The following KCNAB1 variants were observed in gnomAD, a reference collection of about 807,000 sequenced individuals.
The protein encoded by KCNAB1 is voltage-gated potassium channel subunit beta-1.
KCNAB1 carries 35 observed loss-of-function variants against 64.6 expected under a neutral mutation model. The ratio of observed to expected loss-of-function variants is 0.54; its 90% CI spans 0.41 to 0.72. The LOEUF is 0.72. KCNAB1 is among the 30% of genes least tolerant of loss of function. The probability of loss-of-function intolerance (pLI) is 0.00; values close to 1 mark genes in which losing one functional copy is unlikely to be tolerated. For missense variants in KCNAB1, 401 were observed against 512.9 expected (o/e 0.78, Z 2.11); for synonymous variants, 177 against 183.8 (o/e 0.96, Z 0.30).
chr3:156,160,968 C>T (rs980496944), intron 1 of KCNAB1, among the ~76,000 whole-genome samples: 3 of 152,232 alleles, frequency 2.0e-5, no homozygotes, highest in African/African-American at 7.2e-5. Context: ...CTTTAAAATG[C>T]TTCTACAGAA....
rs879405480 is a variant in KCNAB1 at position 156,374,445 on chromosome 3, C to T, written c.276-47171C>T. ...TAGAGCACTTTATTTGCTTGGGAAG[C>T]TTGATTTGTTCATGGGAGTTTGCAC... is the stretch of plus-strand genomic sequence containing the variant. On this transcript the variant is annotated intron_variant, in intron 1 of 13. Coordinates refer to ENST00000490337, the MANE Select transcript of KCNAB1 (RefSeq NM_172160.3). Among the ~76,000 whole-genome samples, 17 of 86,156 alleles carry T rather than the reference C, an allele frequency of 2.0e-4. 1 individual carries two copies. The highest frequency in any genetic ancestry group is 1.6e-3 in the Admixed American group (17 of 10,652). The allele number at this position is 86,156 out of a possible 152,430, so 56.5% of individuals were successfully genotyped here. A position where few individuals can be genotyped will look rare whatever the true frequency, so the allele number is the denominator to read the frequency against.
intron 1 of KCNAB1, among the ~76,000 whole-genome samples, chr3:156,334,831 C>T (rs533279253): frequency 6.6e-6 from 1 of 152,286 alleles, no homozygotes; most frequent in South Asian, 2.1e-4. Context: ...CGTCAGAACT[C>T]ACTGTGGAAT....
At chr3:156,170,572 C>G (rs1340552639) in intron 1 of KCNAB1, among the ~76,000 whole-genome samples, 1 of 152,152 alleles carries the variant, frequency 6.6e-6, no homozygotes, top group East Asian at 1.9e-4. Context: ...TTGCTGGTGA[C>G]AATTGGATCC....
chr3:156,298,746 A>G (rs73014142), intron 1 of KCNAB1, among the ~76,000 whole-genome samples: 4,566 of 152,290 alleles, frequency 0.03, 199 homozygotes, highest in African/African-American at 0.092. Context: ...AGTAGCATCA[A>G]TTCATACTTT....
At position 156,303,968 on chromosome 3, in the gene KCNAB1, T is replaced by C. The variant is rs548365901; in HGVS notation, c.276-117648T>C. Among the ~76,000 whole-genome samples the C allele has an allele frequency of 5.3e-5, 8 of 152,354 alleles. No homozygotes were observed. The East Asian group carries it at 1.2e-3, about 22-fold the overall frequency. ...ATTCTGCCTGATTACAAGTCATTGA[T>C]GATCATTAATGAAGCAAATGTGATG... On this transcript the variant is annotated intron_variant, in intron 1 of 13. Transcript: ENST00000490337.
At chr3:156,528,373 T>G (rs937614686) in intron 12 of KCNAB1, among the ~76,000 whole-genome samples, 7 of 152,226 alleles carry the variant, frequency 4.6e-5, no homozygotes, top group African/African-American at 1.7e-4. Flanking sequence ...TCCATGCCTA[T>G]GTTTATTCAA....
intron 1 of KCNAB1, among the ~76,000 whole-genome samples, chr3:156,123,024 C>A (rs1713442419): frequency 6.6e-6 from 1 of 152,134 alleles, no homozygotes; most frequent in Non-Finnish European, 1.5e-5. Context: ...CCCAAGTCAC[C>A]CAAATTTTTC....
intron 1 of KCNAB1, among the ~76,000 whole-genome samples, chr3:156,330,474 G>A (rs1239540889): frequency 6.6e-6 from 1 of 152,124 alleles, no homozygotes; most frequent in East Asian, 1.9e-4. Flanking sequence ...TTCTTTTACA[G>A]CCACAAGGGT....
chr3:156,317,506 C>G (rs1001107855), intron 1 of KCNAB1, among the ~76,000 whole-genome samples: 1 of 151,256 alleles, frequency 6.6e-6, no homozygotes, highest in Non-Finnish European at 1.5e-5. Context: ...GTGTGTATAT[C>G]CATCCATTAA....
chr3:156,226,032 C>A (rs1471338225), intron 1 of KCNAB1, among the ~76,000 whole-genome samples: 1 of 152,020 alleles, frequency 6.6e-6, no homozygotes, highest in African/African-American at 2.4e-5. Context: ...CCCATCAAAA[C>A]ACCACCATCA....
At chr3:156,505,615 CCTT>C (rs1238688878) in intron 8 of KCNAB1, among the ~76,000 whole-genome samples, 1 of 151,932 alleles carries the variant, frequency 6.6e-6, no homozygotes, top group African/African-American at 2.4e-5. Flanking sequence ...AGATTTTTTA[CCTT>C]CTTAAATTTA....
chr3:156,225,835 T>A (rs959258977), intron 1 of KCNAB1, among the ~76,000 whole-genome samples: 6 of 151,842 alleles, frequency 4.0e-5, no homozygotes, highest in African/African-American at 1.2e-4. Context: ...CTGCAAAAAA[T>A]AATAATAATA....
intron 1 of KCNAB1, among the ~76,000 whole-genome samples, chr3:156,341,129 A>C (rs1724080613): frequency 6.6e-6 from 1 of 152,212 alleles, no homozygotes; most frequent in Non-Finnish European, 1.5e-5. Context: ...TGACAGCAAA[A>C]AATACAGAAC....
chr3:156,228,462 G>T (rs1716317402), intron 1 of KCNAB1, among the ~76,000 whole-genome samples: 2 of 152,148 alleles, frequency 1.3e-5, no homozygotes, highest in South Asian at 4.1e-4. Context: ...TGCATCTCAT[G>T]TGTGGTCGAA....
intron 1 of KCNAB1, among the ~76,000 whole-genome samples, chr3:156,232,241 G>T (rs1015275149): frequency 3.3e-5 from 5 of 152,104 alleles, no homozygotes; most frequent in Non-Finnish European, 5.9e-5. Flanking sequence ...ATCCCCATTG[G>T]TTAAGTAGAA....
intron 1 of KCNAB1, among the ~76,000 whole-genome samples, chr3:156,331,459 G>A (rs368931214): frequency 8.6e-5 from 13 of 151,974 alleles, no homozygotes; most frequent in African/African-American, 2.2e-4. Context: ...CAAAGGAGTC[G>A]TTTTTTAAAG....
intron 4 of KCNAB1, 127 bp from the exon 5 acceptor site, chr3:156,459,700 G>A (rs1712746288): frequency 3.1e-6 from 2 of 647,672 alleles, no homozygotes; most frequent in Admixed American, 2.8e-5. Context: ...TACCAGCCGA[G>A]AGCGGCTTCT....
At chr3:156,227,902 A>G (rs922729740) in intron 1 of KCNAB1, 9 of 152,260 alleles carry the variant, frequency 5.9e-5, no homozygotes, top group Non-Finnish European at 1.0e-4. Flanking sequence ...CATGTCATCA[A>G]TACAAGGTCA....
chr3:156,419,510 G>GAA (rs58080148), intron 1 of KCNAB1, among the ~76,000 whole-genome samples: 1 of 97,506 alleles, frequency 1.0e-5, no homozygotes. Context: ...CAAAAAAAAA[G>GAA]AAAAAAAAAA....
Sources: gnomAD v4.1 joint callset for allele counts (sites outside exome capture counted in the v4.1 genomes callset) on GRCh38, gnomAD v4.1.1 for gene constraint, MANE v1.5 for transcripts, NCBI Gene and HGNC (gene_info 2026-07-23, HGNC 2026-07-21) for gene names.